Variants in TPRG1 observed in about 807,000 individuals in gnomAD.
TPRG1 encodes the protein tumor protein p63-regulated gene 1 protein.
A neutral mutation model predicts 29.3 loss-of-function variants in TPRG1; 29 were observed. That is an observed-to-expected ratio of 0.99 (90% CI 0.74 to 1.35). The LOEUF (loss-of-function observed/expected upper bound fraction) is 1.35, where lower values mean the gene tolerates loss of function less well. Ranked by LOEUF, TPRG1 falls within the 40% of genes most tolerant of loss-of-function variation. TPRG1 has a pLI of 0.00. For missense variants in TPRG1, 327 were observed against 335.0 expected (o/e 0.98, Z 0.19); for synonymous variants, 130 against 116.8 (o/e 1.11, Z -0.73).
At chr3:189,259,838 T>C (rs1712675147) in intron 4 of TPRG1, among the ~76,000 whole-genome samples, 1 of 152,176 alleles carries the variant, frequency 6.6e-6, no homozygotes, top group South Asian at 2.1e-4. Flanking sequence ...GAGTGACTTG[T>C]ATGCAATCGT....
chr3:189,201,532 C>T (rs925827670), intron 1 of TPRG1, among the ~76,000 whole-genome samples: 1 of 152,188 alleles, frequency 6.6e-6, no homozygotes, highest in African/African-American at 2.4e-5. Context: ...TGGAGAATGA[C>T]ATGGCTCTTG....
intron 1 of TPRG1, among the ~76,000 whole-genome samples, chr3:189,197,877 C>T (rs1732805493): frequency 6.6e-6 from 1 of 152,172 alleles, no homozygotes; most frequent in East Asian, 1.9e-4. Context: ...TGACAAACCT[C>T]CCCATGACCT....
At chr3:189,063,610 A>G (rs1716255636) in intron 4 of TPRG1, among the ~76,000 whole-genome samples, 1 of 152,288 alleles carries the variant, frequency 6.6e-6, no homozygotes, top group East Asian at 1.9e-4. Flanking sequence ...TAAAGTCTAC[A>G]GGAAATTCTC....
chr3:189,235,217 CTTTT>C (rs34934049), intron 3 of TPRG1, among the ~76,000 whole-genome samples: 10 of 129,678 alleles, frequency 7.7e-5, no homozygotes, highest in East Asian at 2.3e-4. Flanking sequence ...ATGAGGTTTG[CTTTT>C]TTTTTTTTTT....
intron 4 of TPRG1, among the ~76,000 whole-genome samples, chr3:189,043,123 G>A (rs141526618): frequency 6.6e-6 from 1 of 152,228 alleles, no homozygotes; most frequent in Admixed American, 6.5e-5. Context: ...AATTAAATGG[G>A]CCCTGTTCAA....
At chr3:189,187,427 A>G (rs1017052482) in intron 1 of TPRG1, among the ~76,000 whole-genome samples, 1 of 150,994 alleles carries the variant, frequency 6.6e-6, no homozygotes, top group Non-Finnish European at 1.5e-5. Flanking sequence ...CTGCCTCAGC[A>G]TCCTGAGTAC....
At chr3:189,304,443 C>A (rs1721314536) in intron 4 of TPRG1, among the ~76,000 whole-genome samples, 1 of 152,068 alleles carries the variant, frequency 6.6e-6, no homozygotes, top group South Asian at 2.1e-4. Flanking sequence ...ATAACCCATA[C>A]AATTTCTTGG....
At chr3:189,160,116 G>T (rs1359444583) in intron 5 of TPRG1, among the ~76,000 whole-genome samples, 5 of 152,076 alleles carry the variant, frequency 3.3e-5, no homozygotes, top group African/African-American at 1.2e-4. Context: ...AGCTGAGATG[G>T]GCTGCAGCCC....
intron 4 of TPRG1, among the ~76,000 whole-genome samples, chr3:189,028,524 C>T (rs1713777783): frequency 1.3e-5 from 2 of 152,166 alleles, no homozygotes; most frequent in African/African-American, 2.4e-5. Context: ...GAGATCTTCA[C>T]CCATTATAGC....
At chr3:189,019,827 C>T (rs1340296888) in intron 3 of TPRG1, among the ~76,000 whole-genome samples, 1 of 149,394 alleles carries the variant, frequency 6.7e-6, no homozygotes, top group African/African-American at 2.5e-5. Flanking sequence ...CTCCTTGTAC[C>T]TCTGGTAGAA....
chr3:189,295,047 C>T lies in TPRG1; in HGVS notation c.480-15339C>T, dbSNP rs1020119273. On this transcript the variant is annotated intron_variant, in intron 4 of 5. Coordinates refer to ENST00000345063, the MANE Select transcript of TPRG1 (RefSeq NM_198485.4). ...AAACTCCAACACTTTCCCACATTCACGCCTTTGTTTTATGTGCTTCTATGT... is the reference window on the plus strand; with the variant it reads ...AAACTCCAACACTTTCCCACATTCATGCCTTTGTTTTATGTGCTTCTATGT... 3.9e-5 allele frequency among the ~76,000 whole-genome samples: 6 copies of T among 152,226 alleles called. No individual in the cohort carries two copies. In the South Asian group the frequency reaches 6.2e-4, roughly 16 times the overall value.
At chr3:189,238,335 G>T (rs1739880058) in intron 3 of TPRG1, among the ~76,000 whole-genome samples, 2 of 152,190 alleles carry the variant, frequency 1.3e-5, no homozygotes, top group African/African-American at 4.8e-5. Flanking sequence ...TTGTGGTACG[G>T]ATTCAGCTAG....
chr3:189,292,493 GAAT>G (rs1719185011), intron 4 of TPRG1, among the ~76,000 whole-genome samples: 1 of 151,954 alleles, frequency 6.6e-6, no homozygotes, highest in Non-Finnish European at 1.5e-5. Flanking sequence ...CTATGAAATG[GAAT>G]AATAATAATA....
chr3:189,073,669 A>G (rs1485062251), intron 4 of TPRG1, among the ~76,000 whole-genome samples: 2 of 152,212 alleles, frequency 1.3e-5, no homozygotes, highest in Non-Finnish European at 2.9e-5. Flanking sequence ...TACAAAAACA[A>G]TGTGCTCAGA....
chr3:189,116,181 T>G (rs1721142651), intron 1 of TPRG1, among the ~76,000 whole-genome samples: 1 of 152,142 alleles, frequency 6.6e-6, no homozygotes, highest in Admixed American at 6.6e-5. Flanking sequence ...GATATTATTA[T>G]TATTATTATT....
chr3:189,225,431 C>T (rs1262116748), intron 3 of TPRG1, among the ~76,000 whole-genome samples: 2 of 152,116 alleles, frequency 1.3e-5, no homozygotes, highest in Admixed American at 1.3e-4. Flanking sequence ...TGAAGGATAT[C>T]AAATAGGGTG....
At chr3:189,110,568 T>A (rs968749810) in intron 1 of TPRG1, among the ~76,000 whole-genome samples, 4 of 151,956 alleles carry the variant, frequency 2.6e-5, no homozygotes, top group African/African-American at 7.2e-5. Flanking sequence ...TAAAAAAAAA[T>A]TTGGCTTAGA....
intron 4 of TPRG1, among the ~76,000 whole-genome samples, chr3:189,046,254 A>G (rs113866924): frequency 2.6e-5 from 4 of 152,336 alleles, no homozygotes; most frequent in African/African-American, 7.2e-5. Flanking sequence ...AATCTGGACA[A>G]CATCTCTGTT....
At chr3:189,001,033 C>T (rs779568087) in intron 2 of TPRG1, 2 of 152,086 alleles carry the variant, frequency 1.3e-5, no homozygotes, top group Non-Finnish European at 2.9e-5. Context: ...CACATCTGAC[C>T]TCATTTAATA....
Sources: gnomAD v4.1 joint callset for allele counts (sites outside exome capture counted in the v4.1 genomes callset) on GRCh38, gnomAD v4.1.1 for gene constraint, MANE v1.5 for transcripts, NCBI Gene and HGNC (gene_info 2026-07-23, HGNC 2026-07-21) for gene names.